WRN: variants seen among roughly 807,000 people sequenced by gnomAD.
The protein encoded by WRN is WRN RecQ like helicase.
Under a neutral mutation model 180.7 loss-of-function variants are expected in WRN, and 149 were observed. The observed-to-expected ratio is 0.82, with a 90% confidence interval of 0.72 to 0.94. WRN has a LOEUF of 0.94. Among genes scored for constraint, WRN ranks in the 40% least tolerant of loss-of-function variants. The probability of loss-of-function intolerance (pLI) is 0.00; values close to 1 mark genes in which losing one functional copy is unlikely to be tolerated. For missense variants in WRN, 1,661 were observed against 1,700.1 expected (o/e 0.98, Z 0.40); for synonymous variants, 548 against 568.9 (o/e 0.96, Z 0.52).
intron 1 of WRN, among the ~76,000 whole-genome samples, chr8:31,043,088 C>A (rs1192501566): frequency 6.6e-6 from 1 of 152,172 alleles, no homozygotes; most frequent in Middle Eastern, 3.2e-3. Flanking sequence ...GGTAGAGTGG[C>A]CTTCAGGCAA....
intron 10 of WRN, among the ~76,000 whole-genome samples, chr8:31,084,722 A>T (rs1813456101): frequency 6.6e-6 from 1 of 152,200 alleles, no homozygotes. Context: ...ATACTGATTT[A>T]TTTAAAGATA....
chr8:31,104,639 G>C (rs1350462049), intron 18 of WRN, among the ~76,000 whole-genome samples: 1 of 152,106 alleles, frequency 6.6e-6, no homozygotes, highest in African/African-American at 2.4e-5. Context: ...ACAGTTTTAT[G>C]TTTTAAGTCT....
At chr8:31,073,751 T>C (rs940978705) in intron 7 of WRN, among the ~76,000 whole-genome samples, 1 of 152,066 alleles carries the variant, frequency 6.6e-6, no homozygotes, top group Non-Finnish European at 1.5e-5. Flanking sequence ...GGGCCACTAA[T>C]GAAGGAGGGA....
At chr8:31,112,131 G>A (rs912584420) in intron 19 of WRN, among the ~76,000 whole-genome samples, 1 of 152,122 alleles carries the variant, frequency 6.6e-6, no homozygotes, top group Admixed American at 6.6e-5. Flanking sequence ...CTGGAGTGCA[G>A]TGGTGTGATC....
In WRN at chr8:31,128,728, G is replaced by A. The variant is rs952226051; in HGVS notation, c.2826-3637G>A. 9.2e-5 allele frequency among the ~76,000 whole-genome samples: 14 copies of A among 152,174 alleles called. No homozygotes were observed. In the East Asian group the frequency reaches 2.3e-3, roughly 25 times the overall value. On this transcript the variant is annotated intron_variant, in intron 23 of 34. Coordinates refer to ENST00000298139, the MANE Select transcript of WRN (RefSeq NM_000553.6). ...CAAAAAATTAGCCGGATGTGGTGGC[G>A]AGTGCCTGTAGTCCCAGCTACTCGG...
chr8:31,143,055 A>ACACC (rs1554533109), intron 27 of WRN, among the ~76,000 whole-genome samples: 1 of 19,064 alleles, frequency 5.2e-5, no homozygotes, highest in African/African-American at 1.0e-4. Flanking sequence ...ACACACACAC[A>ACACC]TTCTCTCTCT....
intron 1 of WRN, among the ~76,000 whole-genome samples, chr8:31,057,341 C>T (rs1203316270): frequency 6.6e-6 from 1 of 151,600 alleles, no homozygotes; most frequent in East Asian, 1.9e-4. Flanking sequence ...CTGAGGTGGG[C>T]GATCGGATCA....
chr8:31,105,679 C>T (rs111287124), intron 18 of WRN, among the ~76,000 whole-genome samples: 3,693 of 152,110 alleles, frequency 0.024, 138 homozygotes, highest in African/African-American at 0.085. Flanking sequence ...AGGCTGGTCT[C>T]GAACTCCTGA....
chr8:31,119,610 A>G (rs1019998781), intron 20 of WRN, among the ~76,000 whole-genome samples: 7 of 151,896 alleles, frequency 4.6e-5, no homozygotes, highest in Non-Finnish European at 8.8e-5. Context: ...TACTCTGTAA[A>G]TGCTTTTTAT....
chr8:31,089,724 A>G (rs1813668918), intron 13 of WRN, among the ~76,000 whole-genome samples: 1 of 151,942 alleles, frequency 6.6e-6, no homozygotes, highest in Non-Finnish European at 1.5e-5. Flanking sequence ...TTTTCCCATG[A>G]TATTTTATTA....
chr8:31,141,392 T>A, intron 24 of WRN, 38 bp from the exon 25 acceptor site: 6 of 1,612,100 alleles, frequency 3.7e-6, no homozygotes, highest in Non-Finnish European at 5.1e-6. Context: ...TATGTTTAAA[T>A]TAGCATTTTT....
At chr8:31,082,778 G>A (rs1438188584) in intron 9 of WRN, among the ~76,000 whole-genome samples, 1 of 151,932 alleles carries the variant, frequency 6.6e-6, no homozygotes, top group African/African-American at 2.4e-5. Flanking sequence ...TGTATTTTTA[G>A]TAGAGAAAGT....
At chr8:31,106,994 A>G (rs945894374) in intron 18 of WRN, among the ~76,000 whole-genome samples, 1 of 152,218 alleles carries the variant, frequency 6.6e-6, no homozygotes, top group African/African-American at 2.4e-5. Flanking sequence ...TAGCTGCACC[A>G]TACAACATCC....
At chr8:31,095,839 A>G (rs1011337941) in intron 16 of WRN, among the ~76,000 whole-genome samples, 16 of 152,250 alleles carry the variant, frequency 1.1e-4, no homozygotes, top group African/African-American at 3.9e-4. Flanking sequence ...TTTTCTTTCA[A>G]AGTTGTTCTG....
At position 31,124,903 on chromosome 8, in the gene WRN, G is replaced by C. The variant is rs2130344269; in HGVS notation, c.2733-5G>C. On this transcript the variant is annotated splice_polypyrimidine_tract_variant and splice_region_variant and intron_variant, in intron 22 of 34. Coordinates refer to ENST00000298139, the MANE Select transcript of WRN (RefSeq NM_000553.6). Reference sequence around the variant, plus strand: ...TTATTTAATTTAAAATTTTGTCTTGGGTAGAATCATCTTGTCTCATTTTGA... The same window carrying C: ...TTATTTAATTTAAAATTTTGTCTTGCGTAGAATCATCTTGTCTCATTTTGA... 1.2e-6 allele frequency: 2 copies of C among 1,611,948 alleles called. No homozygotes were observed. The highest frequency in any genetic ancestry group is 1.7e-6 in the Non-Finnish European group (2 of 1,178,780).
chr8:31,131,036 G>T (rs1211075405), intron 23 of WRN, among the ~76,000 whole-genome samples: 1 of 151,590 alleles, frequency 6.6e-6, no homozygotes, highest in Admixed American at 6.6e-5. Flanking sequence ...AGAAAGAAAA[G>T]AAAAGCAATA....
intron 16 of WRN, among the ~76,000 whole-genome samples, chr8:31,092,459 G>A (rs530566862): frequency 6.7e-5 from 10 of 149,410 alleles, no homozygotes; most frequent in East Asian, 3.9e-4. Context: ...GTGTGTGTGT[G>A]TATATGTACA....
intron 1 of WRN, among the ~76,000 whole-genome samples, chr8:31,039,933 T>A (rs890534834): frequency 3.9e-5 from 6 of 152,182 alleles, no homozygotes; most frequent in Admixed American, 6.5e-5. Context: ...AATTGTGTTA[T>A]CTTATAACAG....
intron 21 of WRN, 126 bp downstream of exon 21, chr8:31,120,550 A>AAG: frequency 2.0e-6 from 2 of 991,454 alleles, no homozygotes; most frequent in Non-Finnish European, 2.9e-6. Context: ...GTAAAAAAAA[A>AAG]AAAAAAGAAA....
Sources: gnomAD v4.1 joint callset for allele counts (sites outside exome capture counted in the v4.1 genomes callset) on GRCh38, gnomAD v4.1.1 for gene constraint, MANE v1.5 for transcripts, NCBI Gene and HGNC (gene_info 2026-07-23, HGNC 2026-07-21) for gene names.